GOLGA3: variants seen among roughly 807,000 people sequenced by gnomAD.
GOLGA3 encodes the protein golgin subfamily A member 3.
A neutral mutation model predicts 169.4 loss-of-function variants in GOLGA3; 75 were observed. That is an observed-to-expected ratio of 0.44 (90% CI 0.37 to 0.54). GOLGA3 has a LOEUF of 0.54. Among genes scored for constraint, GOLGA3 ranks in the 20% least tolerant of loss-of-function variants. The pLI is 0.00. For missense variants in GOLGA3, 1,899 were observed against 1,930.0 expected (o/e 0.98, Z 0.30); for synonymous variants, 824 against 822.4 (o/e 1.00, Z -0.03).
chr12:132,817,202 C>CT (rs1949998540), intron 2 of GOLGA3, among the ~76,000 whole-genome samples: 1 of 137,026 alleles, frequency 7.3e-6, no homozygotes, highest in African/African-American at 2.8e-5. Context: ...CCTCCACGCT[C>CT]TAAGGTGAAC....
rs72624271 is a variant in GOLGA3 at position 132,777,183 on chromosome 12, G to A, written c.3723-93C>T. 3,856 of 1,369,334 alleles carry A rather than the reference G, an allele frequency of 2.8e-3. 13 individuals carry two copies. Among genetic ancestry groups the A allele is most frequent in the Non-Finnish European group, 2.9e-3 (2,952 of 1,006,016 alleles). 84.8% of individuals were successfully genotyped at this position (1,369,334 alleles called of 1,614,324 possible). A position where few individuals can be genotyped will look rare whatever the true frequency, so the allele number is the denominator to read the frequency against. On this transcript the variant is annotated intron_variant, in intron 19 of 23. Coordinates refer to ENST00000450791, the MANE Select transcript of GOLGA3 (RefSeq NM_001389683.1). The surrounding 1 kb of genome is among the most constrained non-coding windows in gnomAD (Gnocchi z 4.7). ...GAAATGCTGCCTGTGGAAGGCGTTC[G>A]TCCTGGCAGGCCCTCTGCTGTGCAC...
At chr12:132,786,956 C>CT (rs1273463471) in intron 13 of GOLGA3, among the ~76,000 whole-genome samples, 169 bp from the exon 14 acceptor site, 5,269 of 144,926 alleles carry the variant, frequency 0.036, 260 homozygotes, top group African/African-American at 0.12. Flanking sequence ...ACAAACCACT[C>CT]TTTTTTTTTT....
rs2044891405 is a variant in GOLGA3 at position 132,771,400 on chromosome 12, C to T, written c.*1705G>A. On this transcript the variant is annotated 3_prime_UTR_variant, in exon 24 of 24. Coordinates refer to ENST00000450791, the MANE Select transcript of GOLGA3 (RefSeq NM_001389683.1). ...CGGACCCATTCTCTCTCTCCTAACTCATATAATAAATATTATTTTAGATTT... is the reference window on the plus strand; with the variant it reads ...CGGACCCATTCTCTCTCTCCTAACTTATATAATAAATATTATTTTAGATTT... The T allele has an allele frequency of 1.3e-5, 2 of 152,166 alleles. No homozygotes were observed. Among genetic ancestry groups the T allele is most frequent in the African/African-American group, 4.8e-5 (2 of 41,394 alleles). 9.4% of individuals were successfully genotyped at this position (152,166 alleles called of 1,614,324 possible).
upstream of GOLGA3, among the ~76,000 whole-genome samples, chr12:132,829,060 A>T (rs797002319): frequency 2.6e-5 from 4 of 152,210 alleles, no homozygotes; most frequent in South Asian, 4.1e-4. Flanking sequence ...TGACCTTAAG[A>T]GTTTGCGGAC....
At chr12:132,827,057 T>C (rs988945186) in intron 1 of GOLGA3, among the ~76,000 whole-genome samples, 1 of 152,298 alleles carries the variant, frequency 6.6e-6, no homozygotes, top group East Asian at 1.9e-4. Flanking sequence ...ATCAAGGGAC[T>C]TCATACTGAG....
intron 1 of GOLGA3, among the ~76,000 whole-genome samples, chr12:132,824,827 A>G (rs923565461): frequency 6.6e-6 from 1 of 152,174 alleles, no homozygotes; most frequent in Non-Finnish European, 1.5e-5. Context: ...ATCACTTTCC[A>G]GGAAAAACAC....
At chr12:132,818,872 G>A (rs1368174356) in intron 2 of GOLGA3, among the ~76,000 whole-genome samples, 1 of 152,010 alleles carries the variant, frequency 6.6e-6, no homozygotes, top group African/African-American at 2.4e-5. Context: ...GGCCTGGGTT[G>A]GACCAGTGAC....
intron 4 of GOLGA3, among the ~76,000 whole-genome samples, chr12:132,809,373 G>A (rs1371110736): frequency 6.6e-6 from 1 of 152,182 alleles, no homozygotes; most frequent in African/African-American, 2.4e-5. Context: ...CTCCACAAGA[G>A]GTGGAGGAGC....
At chr12:132,775,543 G>C (rs1448942336) in intron 21 of GOLGA3, among the ~76,000 whole-genome samples, 1 of 152,156 alleles carries the variant, frequency 6.6e-6, no homozygotes, top group Admixed American at 6.5e-5. Context: ...ATGTTCCAAT[G>C]ATCATTTCCT....
chr12:132,822,103 T>C lies in GOLGA3; in HGVS notation c.26A>G (p.Asp9Gly), dbSNP rs202106996. Residue 9 changes from aspartate (D) to glycine (G), a missense_variant, in exon 2 of 24, where the codon GAT becomes GGT. Transcript: ENST00000450791. MDGASAEQ[D>G]GLQEDRSHSG... Reference sequence around the variant, plus strand: ...GTGGGATCTGTCCTCCTGGAGGCCATCTTGCTCGGCCGACGCGCCGTCCAT... The same window carrying C: ...GTGGGATCTGTCCTCCTGGAGGCCACCTTGCTCGGCCGACGCGCCGTCCAT... The C allele has an allele frequency of 2.5e-5, 41 of 1,607,944 alleles. No homozygotes were observed. The East Asian group carries it at 8.6e-4, about 34-fold the overall frequency.
chr12:132,807,736 C>T (rs1949480423), intron 5 of GOLGA3, among the ~76,000 whole-genome samples, 155 bp downstream of exon 5: 1 of 151,898 alleles, frequency 6.6e-6, no homozygotes. Flanking sequence ...CAGGCCAGGC[C>T]CTCTGCCTGC....
chr12:132,789,514 G>T (rs1566091668), intron 12 of GOLGA3, among the ~76,000 whole-genome samples: 1 of 152,194 alleles, frequency 6.6e-6, no homozygotes, highest in Admixed American at 6.5e-5. Flanking sequence ...GGTGCACAAG[G>T]CAGTCACACC....
At position 132,807,184 on chromosome 12, in the gene GOLGA3, G is replaced by A; in HGVS notation, c.1283C>T (p.Ala428Val). 6.3e-7 allele frequency: 1 copy of A among 1,595,978 alleles called. No homozygotes were observed. Among genetic ancestry groups the A allele is most frequent in the Non-Finnish European group, 8.6e-7 (1 of 1,167,822 alleles). ...EGQLEALSLE[A>V]SQALKEKAEL... The stretch of plus-strand genomic sequence containing the variant: ...CAGTCGAACGTCCGTTACCTGACTC[G>A]CCTCCAGTGACAAGGCTTCCAGCTG... Residue 428 changes from alanine (A) to valine (V), a missense_variant, in exon 6 of 24, where the codon GCG becomes GTG. Physicochemically the swap from Ala to Val is moderately conservative, Grantham distance 64. Transcript: ENST00000450791.
intron 22 of GOLGA3, chr12:132,774,821 C>T: frequency 2.1e-6 from 1 of 480,090 alleles, no homozygotes; most frequent in Non-Finnish European, 3.6e-6. Context: ...CGCCGGGCGC[C>T]TGGGCACAGC....
Position 132,804,027 on chromosome 12 carries a change from G to A in GOLGA3, c.1597+689C>T, listed in dbSNP as rs1249229948. On this transcript the variant is annotated intron_variant, in intron 7 of 23. Coordinates refer to ENST00000450791, the MANE Select transcript of GOLGA3 (RefSeq NM_001389683.1). This position sits in a 1 kb window ranked among gnomAD's most constrained non-coding sequence, Gnocchi z 4.1. ...TGCTGGGCACTGGAGTGTGAGCTCT[G>A]GGACTGGCCCGGGCGGGGACTGAGG... Among the ~76,000 whole-genome samples the A allele has an allele frequency of 6.6e-6, 1 of 152,210 alleles. No homozygotes were observed. The highest frequency in any genetic ancestry group is 2.4e-5 in the African/African-American group (1 of 41,452).
At chr12:132,786,103 A>C (rs1007079636) in intron 15 of GOLGA3, among the ~76,000 whole-genome samples, 6 of 152,196 alleles carry the variant, frequency 3.9e-5, no homozygotes, top group African/African-American at 1.4e-4. Context: ...TTTCTTGAGG[A>C]AAATCAGGTG....
chr12:132,799,989 C>T (rs1949053925), intron 8 of GOLGA3, among the ~76,000 whole-genome samples: 1 of 152,172 alleles, frequency 6.6e-6, no homozygotes, highest in Admixed American at 6.5e-5. Context: ...GATCGGCCCG[C>T]CTCGGCCTCC....
chr12:132,802,669 A>C, intron 7 of GOLGA3, among the ~76,000 whole-genome samples: 1 of 152,342 alleles, frequency 6.6e-6, no homozygotes, highest in East Asian at 1.9e-4. Flanking sequence ...AAAAAAATAG[A>C]AACAGGATGA....
rs1948973951 is a variant in GOLGA3 at position 132,798,376 on chromosome 12, C to T, written c.1902G>A (p.Glu634=). 1.2e-6 allele frequency: 2 copies of T among 1,613,494 alleles called. No individual in the cohort carries two copies. The highest frequency in any genetic ancestry group is 1.1e-5 in the South Asian group (1 of 91,046). The change falls in exon 9 of 24, where the codon GAG becomes GAA. Residue 634 remains glutamate, a synonymous_variant. Transcript: ENST00000450791. The part of the protein sequence containing the change: ...LTETQHRSMK[E]KGRIAAQLQG... ...GCAGCTGTGCCGCGATGCGCCCCTT[C>T]TCCTTCATGGACCTGTGCTGAGTTT...
Sources: gnomAD v4.1 joint callset for allele counts (sites outside exome capture counted in the v4.1 genomes callset) on GRCh38, gnomAD v4.1.1 for gene constraint, Gnocchi (gnomAD v3.1) non-coding constraint, MANE v1.5 for transcripts, NCBI Gene and HGNC (gene_info 2026-07-23, HGNC 2026-07-21) for gene names.